The following SNX29 variants were observed in gnomAD, a reference collection of about 807,000 sequenced individuals.
SNX29 encodes sorting nexin 29, also known as sorting nexin-29.
SNX29 carries 78 observed loss-of-function variants against 102.1 expected under a neutral mutation model. The observed-to-expected ratio is 0.76, with a 90% CI of 0.64 to 0.92. The LOEUF (loss-of-function observed/expected upper bound fraction) is 0.92, where lower values mean the gene tolerates loss of function less well. Among genes scored for constraint, SNX29 ranks in the 40% least tolerant of loss-of-function variants. The pLI is 0.00. For synonymous variants in SNX29, 580 were observed against 414.5 expected, an observed-to-expected ratio of 1.40 and a Z score of -4.85; for missense variants, 1,280 against 1,061.7, an observed-to-expected ratio of 1.21 and a Z score of -2.86.
intron 15 of SNX29, among the ~76,000 whole-genome samples, chr16:12,313,532 G>A (rs1167516433): frequency 6.6e-6 from 1 of 152,206 alleles, no homozygotes; most frequent in Non-Finnish European, 1.5e-5. Flanking sequence ...TGACCTGCCA[G>A]TATGAACTGG....
chr16:12,125,276 C>T (rs983577671), intron 11 of SNX29, among the ~76,000 whole-genome samples: 8 of 152,102 alleles, frequency 5.3e-5, no homozygotes, highest in Non-Finnish European at 8.8e-5. Context: ...TCTTCTCCAC[C>T]GTTAACCTGA....
intron 15 of SNX29, among the ~76,000 whole-genome samples, chr16:12,353,325 C>T (rs1024024065): frequency 1.8e-4 from 27 of 152,198 alleles, no homozygotes; most frequent in African/African-American, 6.5e-4. Flanking sequence ...CTGCCACTTC[C>T]TCCATGTCTC....
intron 11 of SNX29, among the ~76,000 whole-genome samples, chr16:12,101,224 TTC>T (rs1479960077): frequency 6.6e-6 from 1 of 151,736 alleles, no homozygotes; most frequent in Non-Finnish European, 1.5e-5. Flanking sequence ...GCCTATTTTG[TTC>T]TCTCCTTTCT....
chr16:12,139,980 C>CAAAAAA (rs59169166), intron 13 of SNX29, among the ~76,000 whole-genome samples: 2 of 88,570 alleles, frequency 2.3e-5, no homozygotes, highest in African/African-American at 4.1e-5. Flanking sequence ...TACCCTGTCT[C>CAAAAAA]AAAAAAAAAA....
intron 14 of SNX29, among the ~76,000 whole-genome samples, chr16:12,202,920 G>A (rs564792332): frequency 6.6e-6 from 1 of 152,374 alleles, no homozygotes; most frequent in African/African-American, 2.4e-5. Context: ...GCTCACATTA[G>A]CCACTGTCAG....
intron 16 of SNX29, among the ~76,000 whole-genome samples, chr16:12,368,076 T>C (rs1249984885): frequency 6.6e-6 from 1 of 151,994 alleles, no homozygotes; most frequent in Non-Finnish European, 1.5e-5. Flanking sequence ...CTGGGGGGAG[T>C]TGGAAGTATT....
At chr16:12,567,568 G>C (rs1202129239) in intron 20 of SNX29, among the ~76,000 whole-genome samples, 2 of 151,960 alleles carry the variant, frequency 1.3e-5, no homozygotes, top group African/African-American at 2.4e-5. Flanking sequence ...AGGATCACTT[G>C]AGACCAGCCT....
chr16:12,465,335 G>A (rs527406852), intron 18 of SNX29, among the ~76,000 whole-genome samples: 1 of 152,152 alleles, frequency 6.6e-6, no homozygotes, highest in Non-Finnish European at 1.5e-5. Flanking sequence ...CTTCTTCTAG[G>A]AGTTTTACAG....
chr16:12,384,831 A>T (rs2083289743), intron 16 of SNX29, among the ~76,000 whole-genome samples: 1 of 152,236 alleles, frequency 6.6e-6, no homozygotes, highest in Admixed American at 6.5e-5. Flanking sequence ...AAATAAACCC[A>T]TCATCTCCAT....
intron 14 of SNX29, among the ~76,000 whole-genome samples, chr16:12,235,046 C>CT (rs1411899392): frequency 6.6e-6 from 1 of 152,086 alleles, no homozygotes; most frequent in Non-Finnish European, 1.5e-5. Context: ...GGCTTTGTCT[C>CT]TTTCTCTTGG....
chr16:12,476,989 G>A (rs1040938212), intron 18 of SNX29, among the ~76,000 whole-genome samples: 1 of 152,130 alleles, frequency 6.6e-6, no homozygotes, highest in African/African-American at 2.4e-5. Flanking sequence ...TTAAAAAGTG[G>A]ATTGATGTCT....
intron 20 of SNX29, among the ~76,000 whole-genome samples, chr16:12,560,109 C>T (rs558731175): frequency 3.3e-5 from 5 of 151,590 alleles, no homozygotes; most frequent in Non-Finnish European, 7.4e-5. Flanking sequence ...GATGAGTTGA[C>T]AAGCTATTCT....
intron 15 of SNX29, among the ~76,000 whole-genome samples, chr16:12,280,760 T>C (rs2079405479): frequency 6.6e-6 from 1 of 152,212 alleles, no homozygotes; most frequent in Non-Finnish European, 1.5e-5. Context: ...AGAACGTTCT[T>C]TGTGATGCTT....
chr16:12,471,377 C>G (rs2151796213), intron 18 of SNX29, among the ~76,000 whole-genome samples: 1 of 152,282 alleles, frequency 6.6e-6, no homozygotes, highest in East Asian at 1.9e-4. Flanking sequence ...CCTCCTCTTC[C>G]AAAGACTTAG....
Position 12,513,359 on chromosome 16 carries a change from C to G in SNX29, c.2179-11343C>G, listed in dbSNP as rs28588614. ...CCCTGCCCTGCCCTGCTCTCTTCTCCTCAGCCTTCCTCTGCCCTGCCCTGC... is the reference window on the plus strand; with the variant it reads ...CCCTGCCCTGCCCTGCTCTCTTCTCGTCAGCCTTCCTCTGCCCTGCCCTGC... On this transcript the variant is annotated intron_variant, in intron 19 of 20. Transcript: ENST00000566228. Among the ~76,000 whole-genome samples the G allele has an allele frequency of 3.1e-3, 461 of 150,866 alleles. 6 individuals carry two copies. Among genetic ancestry groups the G allele is most frequent in the African/African-American group, 0.011 (432 of 41,034 alleles).
rs148379360 is a variant in SNX29 at position 12,440,351 on chromosome 16, G to C, written c.2037+36822G>C. On this transcript the variant is annotated intron_variant, in intron 18 of 20. Transcript: ENST00000566228. ...TCCAGAAGGTTTTCATCACCCTGGA[G>C]AAACTCTGTGGCTGTTAGCAGGCAG... Among the ~76,000 whole-genome samples the C allele has an allele frequency of 7.2e-5, 11 of 152,290 alleles. No homozygotes were observed. The South Asian group carries it at 1.2e-3, about 17-fold the overall frequency.
chr16:12,013,538 T>G (rs1182681932), intron 3 of SNX29, among the ~76,000 whole-genome samples: 8 of 111,428 alleles, frequency 7.2e-5, no homozygotes, highest in African/African-American at 2.7e-4. Context: ...TATATATATA[T>G]ATATCGAGAG....
intron 1 of SNX29, among the ~76,000 whole-genome samples, chr16:11,982,202 T>C (rs971028832): frequency 2.0e-5 from 3 of 149,132 alleles, no homozygotes; most frequent in Non-Finnish European, 4.5e-5. Context: ...GGGTGGTTAT[T>C]GTAGGGTGGT....
chr16:12,250,801 C>T (rs2078398437), intron 14 of SNX29, among the ~76,000 whole-genome samples: 2 of 149,140 alleles, frequency 1.3e-5, no homozygotes, highest in Admixed American at 1.3e-4. Context: ...GAGCTCAGTG[C>T]AGAAAGACAA....
Sources: gnomAD v4.1 joint callset for allele counts (sites outside exome capture counted in the v4.1 genomes callset) on GRCh38, gnomAD v4.1.1 for gene constraint, MANE v1.5 for transcripts, NCBI Gene and HGNC (gene_info 2026-07-23, HGNC 2026-07-21) for gene names.